NFRKB: variants seen among roughly 807,000 people sequenced by gnomAD.
NFRKB encodes the protein nuclear factor related to kappa-B-binding protein.
Under a neutral mutation model 135.7 loss-of-function variants are expected in NFRKB, and 62 were observed. The ratio of observed to expected loss-of-function variants is 0.46; its 90% CI spans 0.37 to 0.56. The LOEUF (loss-of-function observed/expected upper bound fraction) is 0.56. Among genes scored for constraint, NFRKB ranks in the 20% least tolerant of loss-of-function variants. NFRKB has a pLI of 0.00. For synonymous variants in NFRKB, 678 were observed against 635.6 expected, an observed-to-expected ratio of 1.07 and a Z score of -1.00; for missense variants, 1,545 against 1,662.0, an observed-to-expected ratio of 0.93 and a Z score of 1.22.
At chr11:129,881,391 G>A (rs1949018543) in intron 13 of NFRKB, 52 bp downstream of exon 13, 2 of 1,566,508 alleles carry the variant, frequency 1.3e-6, no homozygotes, top group African/African-American at 1.4e-5. Context: ...AAACTTAGGG[G>A]AAGAAATGGG....
chr11:129,878,372 CG>C lies in NFRKB; in HGVS notation c.1465-18del. 1 of 1,614,058 alleles carries C rather than the reference CG, an allele frequency of 6.2e-7. No homozygotes were observed. Among genetic ancestry groups the C allele is most frequent in the Non-Finnish European group, 8.5e-7 (1 of 1,180,010 alleles). ...ATTTTCTTGCTGGAGAAAAAGAAAA[CG>C]TTGACAGGTAAATGGACTAAAGAAT... On this transcript the variant is annotated intron_variant, in intron 14 of 26. Coordinates refer to ENST00000682444, the MANE Select transcript of NFRKB (RefSeq NM_001143835.2).
chr11:129,890,013 C>T (rs1403358437), intron 3 of NFRKB, among the ~76,000 whole-genome samples: 8 of 129,960 alleles, frequency 6.2e-5, no homozygotes, highest in Non-Finnish European at 1.1e-4. Flanking sequence ...CTGTGTGATA[C>T]TTTTTGGGTT....
rs573829628 is a variant in NFRKB, at chr11:129,884,784, C to A, written c.703G>T (p.Val235Leu). The A allele has an allele frequency of 6.2e-7, 1 of 1,614,152 alleles. No homozygotes were observed. Among genetic ancestry groups the A allele is most frequent in the Admixed American group, 1.7e-5 (1 of 60,032 alleles). ...RSPSPAVPLR[V>L]VPTLSTTDMK... ...TCCGTGGTTGAAAGTGTGGGCACCA[C>A]CCGCAGGGGCACCGCAGGACTAGGA... The change falls in exon 7 of 27, where the codon GTG becomes TTG. Residue 235 changes from valine (V) to leucine (L), a missense_variant. Val to Leu is a conservative substitution (Grantham distance 32). Around this residue, in one of 3 missense-constraint regions of NFRKB, gnomAD observed 678 missense variants for 646.7 expected, o/e 1.05. Coordinates refer to ENST00000682444, the MANE Select transcript of NFRKB (RefSeq NM_001143835.2).
rs752170880 is a variant in NFRKB at position 129,888,723 on chromosome 11, G to A, written c.208C>T (p.Leu70Phe). ...GGAAACTGGGGCAGAAACTGCTGGA[G>A]GTGTTCACGTTGAGAATCACTTAAC... ...EVLSDSQREH[L>F]QQFLPQFPED... The change falls in exon 4 of 27, where the codon CTC becomes TTC. Residue 70 changes from leucine (L) to phenylalanine (F), a missense_variant. Physicochemically the swap from Leu to Phe is conservative, Grantham distance 22. Around this residue, in one of 3 missense-constraint regions of NFRKB, gnomAD observed 678 missense variants for 646.7 expected, o/e 1.05. Transcript: ENST00000682444. The A allele has an allele frequency of 6.2e-7, 1 of 1,614,166 alleles. No homozygotes were observed. The highest frequency in any genetic ancestry group is 1.1e-5 in the South Asian group (1 of 91,084).
At chr11:129,875,041 C>A in intron 18 of NFRKB, 125 bp from the exon 19 acceptor site, 1 of 1,218,194 alleles carries the variant, frequency 8.2e-7, no homozygotes, top group Non-Finnish European at 1.2e-6. Context: ...CTCAGCCTAG[C>A]TGCGTATTCC....
rs1948410440 is a variant in NFRKB, at chr11:129,869,841, G to T, written c.3184C>A (p.Pro1062Thr). Residue 1062 changes from proline to threonine, a missense_variant, in exon 24 of 27, where the codon CCA (proline) becomes ACA (threonine). Physicochemically the swap from Pro to Thr is conservative, Grantham distance 38 (BLOSUM62 -1). Coordinates refer to ENST00000682444, the MANE Select transcript of NFRKB (RefSeq NM_001143835.2). Reference protein sequence around the residue: ...EASSSAFRLMPALGVSVADQK... With the variant: ...EASSSAFRLMTALGVSVADQK... ...TCAGCCACACTCACGCCAAGAGCTG[G>T]CATCAAGCGAAAAGCCGAACTTGAG... 1 of 1,614,130 alleles carries T rather than the reference G, an allele frequency of 6.2e-7. No individual in the cohort carries two copies. The highest frequency in any genetic ancestry group is 1.1e-5 in the South Asian group (1 of 91,092).
intron 24 of NFRKB, among the ~76,000 whole-genome samples, chr11:129,866,443 C>G (rs1343138625): frequency 6.6e-6 from 1 of 151,686 alleles, no homozygotes; most frequent in African/African-American, 2.4e-5. Flanking sequence ...ACCTAAAGCG[C>G]ACAACTACTC....
intron 24 of NFRKB, among the ~76,000 whole-genome samples, chr11:129,867,322 C>CTTT (rs894926200): frequency 2.8e-4 from 36 of 129,502 alleles, no homozygotes; most frequent in African/African-American, 4.3e-4. Context: ...CTAAGTAACT[C>CTTT]TTTTTTTTTT....
At position 129,892,884 on chromosome 11, in the gene NFRKB, T is replaced by A. The variant is rs764941913; in HGVS notation, c.-21-14A>T. 1 of 1,614,092 alleles carries A rather than the reference T, an allele frequency of 6.2e-7. No individual in the cohort carries two copies. The highest frequency in any genetic ancestry group is 1.7e-5 in the Admixed American group (1 of 60,018). On this transcript the variant is annotated splice_polypyrimidine_tract_variant and intron_variant, in intron 2 of 26. Coordinates refer to ENST00000682444, the MANE Select transcript of NFRKB (RefSeq NM_001143835.2). ...TCCACAGGTACTCTGGACAAAGACA[T>A]GCATCTTGAGACAGAAAGGCAGAAA...
At chr11:129,888,461 C>A in intron 4 of NFRKB, 133 bp downstream of exon 4, 1 of 944,238 alleles carries the variant, frequency 1.1e-6, no homozygotes. Flanking sequence ...AAGTGTTACA[C>A]AAAACCGCTC....
At chr11:129,881,902 G>T (rs1949045751) in intron 11 of NFRKB, 49 bp from the exon 12 acceptor site, 1 of 1,550,132 alleles carries the variant, frequency 6.5e-7, no homozygotes, top group Non-Finnish European at 8.7e-7. Flanking sequence ...TTCCACACCA[G>T]CAATTCCACA....
chr11:129,894,568 A>G lies in NFRKB; in HGVS notation c.-101-130T>C, dbSNP rs538552979. 3 of 152,386 alleles carry G rather than the reference A, an allele frequency of 2.0e-5. No homozygotes were observed. The South Asian group carries it at 6.2e-4, about 32-fold the overall frequency. 9.4% of individuals were successfully genotyped at this position (152,386 alleles called of 1,614,324 possible). ...TATGTAAAATGAAGCATGTTCCACT[A>G]AATTATTTCAAGCTCCCTTGAAGAG... On this transcript the variant is annotated intron_variant, in intron 1 of 26. Coordinates refer to ENST00000682444, the MANE Select transcript of NFRKB (RefSeq NM_001143835.2).
chr11:129,864,525 T>C lies in NFRKB; in HGVS notation c.*200A>G. 1 of 618,968 alleles carries C rather than the reference T, an allele frequency of 1.6e-6. No homozygotes were observed. The highest frequency in any genetic ancestry group is 2.0e-5 in the South Asian group (1 of 48,794). The allele number at this position is 618,968 out of a possible 1,614,324, so 38.3% of individuals were successfully genotyped here. On this transcript the variant is annotated 3_prime_UTR_variant, in exon 27 of 27. Transcript: ENST00000682444. ...TGGTAGAGAGCAGACCTTGGAACCC[T>C]GGAGTGAACCTTTCTCAGGGTGCTC...
intron 9 of NFRKB, 137 bp downstream of exon 9, chr11:129,882,985 G>T: frequency 1.4e-6 from 1 of 716,120 alleles, no homozygotes; most frequent in Non-Finnish European, 2.3e-6. Context: ...TTTCCCACCT[G>T]TTAGCCTGTA....
rs143202036 is a variant in NFRKB, at chr11:129,869,651, T to C, written c.3374A>G (p.His1125Arg). The change falls in exon 24 of 27, where the codon CAT (histidine) becomes CGT (arginine). Residue 1125 changes from histidine to arginine, a missense_variant. Transcript: ENST00000682444. ...ASVASGSGTV[H>R]TSAVSLPSMN... The stretch of plus-strand genomic sequence containing the variant: ...ACTGGGTAAGGACACCGCTGAAGTA[T>C]GGACAGTTCCAGACCCACTGGCCAC... The C allele has an allele frequency of 6.4e-3, 10,342 of 1,614,202 alleles. 51 individuals are homozygous for C. The highest frequency in any genetic ancestry group is 0.016 in the South Asian group (1,416 of 91,088).
In NFRKB at chr11:129,893,424, G is replaced by C. The variant is rs188706801; in HGVS notation, c.-21-554C>G. 1.0e-3 allele frequency: 369 copies of C among 351,580 alleles called. 1 individual carries two copies. The highest frequency in any genetic ancestry group is 7.7e-3 in the African/African-American group (343 of 44,614). The allele number at this position is 351,580 out of a possible 1,614,324, so 21.8% of individuals were successfully genotyped here. A position where few individuals can be genotyped will look rare whatever the true frequency, so the allele number is the denominator to read the frequency against. Reference sequence around the variant, plus strand: ...AAAAAAAAAAAATCAGCCAGGCGTGGTGGCGCACGCCTGTAGTCCCAGCTA... The same window carrying C: ...AAAAAAAAAAAATCAGCCAGGCGTGCTGGCGCACGCCTGTAGTCCCAGCTA... On this transcript the variant is annotated intron_variant, in intron 2 of 26. Coordinates refer to ENST00000682444, the MANE Select transcript of NFRKB (RefSeq NM_001143835.2).
intron 25 of NFRKB, 22 bp from the exon 26 acceptor site, chr11:129,865,123 G>C: frequency 6.3e-7 from 1 of 1,597,556 alleles, no homozygotes; most frequent in Non-Finnish European, 8.6e-7. Flanking sequence ...AAGCAGGGGT[G>C]AGATATAATG....
intron 24 of NFRKB, among the ~76,000 whole-genome samples, chr11:129,866,360 G>A (rs181433178): frequency 6.6e-6 from 1 of 152,184 alleles, no homozygotes; most frequent in East Asian, 1.9e-4. Flanking sequence ...TCAGTACATG[G>A]CACAGTGCTG....
chr11:129,866,041 G>T, intron 24 of NFRKB, 58 bp from the exon 25 acceptor site: 2 of 1,409,990 alleles, frequency 1.4e-6, no homozygotes, highest in Non-Finnish European at 9.6e-7. Context: ...ACCAGCAAGT[G>T]TCACCTCCAG....
Sources: gnomAD v4.1 joint callset for allele counts (sites outside exome capture counted in the v4.1 genomes callset) on GRCh38, gnomAD v4.1.1 for gene constraint, gnomAD v4.1.1 regional missense constraint, MANE v1.5 for transcripts, NCBI Gene and HGNC (gene_info 2026-07-23, HGNC 2026-07-21) for gene names.